The following COL4A5 variants were observed in gnomAD, a reference collection of about 807,000 sequenced individuals.
COL4A5 encodes collagen alpha-5(IV) chain.
A neutral mutation model predicts 130.2 loss-of-function variants in COL4A5; 26 were observed. The observed-to-expected ratio is 0.20, with a 90% CI of 0.15 to 0.28. COL4A5 has a LOEUF of 0.28. Ranked by LOEUF, COL4A5 falls within the 10% of genes least tolerant of loss-of-function variation. The probability of loss-of-function intolerance (pLI) is 1.00; values close to 1 mark genes in which losing one functional copy is unlikely to be tolerated. For missense variants in COL4A5, 1,131 were observed against 1,344.3 expected (o/e 0.84, Z 2.48); for synonymous variants, 496 against 439.6 (o/e 1.13, Z -1.60).
At chrX:108,558,525 A>T (rs748624501) in intron 2 of COL4A5, among the ~76,000 whole-genome samples, 1 of 111,672 alleles carries the variant, frequency 9.0e-6, no homozygotes, top group South Asian at 3.8e-4. Context: ...AATTCAAGTA[A>T]TTATTCTGAG....
At chrX:108,665,669 G>A (rs1416393368) in intron 38 of COL4A5, 82 bp downstream of exon 38, 39 of 668,911 alleles carry the variant, frequency 5.8e-5, no homozygotes, top group Non-Finnish European at 8.8e-5. Context: ...ATCATGTTCA[G>A]CTGTGAACAT....
chrX:108,479,221 G>A lies in COL4A5; in HGVS notation c.81+39015G>A, dbSNP rs763790971. 1.8e-4 allele frequency among the ~76,000 whole-genome samples: 20 copies of A among 112,447 alleles called. 1 individual carries two copies. The highest frequency in any genetic ancestry group is 1.3e-3 in the Admixed American group (14 of 10,691). ...GGATACAAATATCCTCACAGTTTTT[G>A]ACCACTCAGAGAGGTCCATCCACAT... On this transcript the variant is annotated intron_variant, in intron 1 of 52. Transcript: ENST00000328300.
At chrX:108,550,786 T>C (rs889731421) in intron 2 of COL4A5, among the ~76,000 whole-genome samples, 4 of 112,036 alleles carry the variant, frequency 3.6e-5, no homozygotes, top group Non-Finnish European at 5.7e-5. Context: ...TTATGACATA[T>C]GCTAAAATAC....
intron 41 of COL4A5, 78 bp downstream of exon 41, chrX:108,668,582 T>A: frequency 1.2e-6 from 1 of 846,889 alleles, no homozygotes; most frequent in Non-Finnish European, 1.6e-6. Flanking sequence ...ATTCAGTCTT[T>A]AAGACTTTAG....
At chrX:108,454,839 C>G (rs2064567323) in intron 1 of COL4A5, among the ~76,000 whole-genome samples, 1 of 110,917 alleles carries the variant, frequency 9.0e-6, no homozygotes, top group Admixed American at 9.6e-5. Flanking sequence ...TCTCAAACTC[C>G]TGGACTCAAG....
At chrX:108,441,824 A>C (rs1310040539) in intron 1 of COL4A5, among the ~76,000 whole-genome samples, 1 of 111,902 alleles carries the variant, frequency 8.9e-6, no homozygotes, top group Non-Finnish European at 1.9e-5. Context: ...CTTTTAACAA[A>C]TTTGCACCAG....
At chrX:108,634,273 G>A in intron 36 of COL4A5, among the ~76,000 whole-genome samples, 1 of 109,931 alleles carries the variant, frequency 9.1e-6, no homozygotes, top group Middle Eastern at 4.7e-3. Context: ...TAAAGTAAAT[G>A]GGGTTATAGA....
chrX:108,620,683 A>G (rs1352144302), intron 31 of COL4A5, among the ~76,000 whole-genome samples: 1 of 111,774 alleles, frequency 8.9e-6, no homozygotes, highest in Non-Finnish European at 1.9e-5. Flanking sequence ...ATTTTGCTGA[A>G]GATTTTGCAG....
intron 36 of COL4A5, among the ~76,000 whole-genome samples, chrX:108,640,195 AT>A (rs1255620610): frequency 1.8e-5 from 2 of 112,119 alleles, no homozygotes; most frequent in South Asian, 7.4e-4. Flanking sequence ...CACAATAGAT[AT>A]TTTTTGACCT....
intron 1 of COL4A5, among the ~76,000 whole-genome samples, chrX:108,502,294 GT>G (rs950169641): frequency 2.9e-5 from 3 of 103,987 alleles, no homozygotes; most frequent in Non-Finnish European, 5.9e-5. Context: ...GTTTTGTTTT[GT>G]TTTTTTGGAG....
intron 36 of COL4A5, among the ~76,000 whole-genome samples, chrX:108,648,150 G>A (rs1409268048): frequency 2.7e-5 from 3 of 111,041 alleles, no homozygotes; most frequent in Non-Finnish European, 5.7e-5. Context: ...AATTTCAGAA[G>A]GAATGGTGCC....
At chrX:108,580,855 A>C (rs1172605691) in intron 15 of COL4A5, 117 bp downstream of exon 15, 2 of 954,632 alleles carry the variant, frequency 2.1e-6, no homozygotes, top group Non-Finnish European at 3.0e-6. Context: ...TGACATTATA[A>C]TGTTGATGTC....
intron 8 of COL4A5, among the ~76,000 whole-genome samples, chrX:108,572,448 C>T (rs781442720): frequency 9.0e-6 from 1 of 111,727 alleles, no homozygotes; most frequent in South Asian, 3.8e-4. Context: ...CCTCATATCT[C>T]AAATTTGCAT....
rs768253654 is a variant in COL4A5 at position 108,447,798 on chromosome X, T to C, written c.81+7592T>C. Reference sequence around the variant, plus strand: ...CCATCATCTCATCCCCTTGTGATGATAGCAGCTACGGAACAGAAGTAATTT... The same window carrying C: ...CCATCATCTCATCCCCTTGTGATGACAGCAGCTACGGAACAGAAGTAATTT... On this transcript the variant is annotated intron_variant, in intron 1 of 52. Transcript: ENST00000328300. Among the ~76,000 whole-genome samples, 3 of 112,145 alleles carry C rather than the reference T, an allele frequency of 2.7e-5. No individual in the cohort carries two copies. In the South Asian group the frequency reaches 1.1e-3, roughly 42 times the overall value.
intron 2 of COL4A5, among the ~76,000 whole-genome samples, chrX:108,540,844 T>C (rs893127171): frequency 8.9e-6 from 1 of 112,457 alleles, no homozygotes; most frequent in Non-Finnish European, 1.9e-5. Flanking sequence ...ATAAGCCTAA[T>C]CACTATCAGT....
At chrX:108,597,313 C>T in intron 23 of COL4A5, 64 bp from the exon 24 acceptor site, 1 of 1,098,365 alleles carries the variant, frequency 9.1e-7, no homozygotes, top group Non-Finnish European at 1.3e-6. Context: ...AAAAAAGAAA[C>T]TGATTTTCTT....
chrX:108,540,691 T>C (rs2065524532), intron 2 of COL4A5, among the ~76,000 whole-genome samples: 3 of 111,866 alleles, frequency 2.7e-5, no homozygotes, highest in African/African-American at 9.8e-5. Context: ...CCTCAAGTGA[T>C]CTGCCCACCT....
chrX:108,597,184 G>C, intron 23 of COL4A5, 116 bp downstream of exon 23: 1 of 803,350 alleles, frequency 1.2e-6, no homozygotes, highest in Non-Finnish European at 1.8e-6. Flanking sequence ...CCATTAAGTT[G>C]TACTTTGTTT....
At chrX:108,683,614 C>G (rs1294447764) in intron 47 of COL4A5, among the ~76,000 whole-genome samples, 1 of 111,162 alleles carries the variant, frequency 9.0e-6, no homozygotes, top group Non-Finnish European at 1.9e-5. Context: ...CTCCACATCC[C>G]TTGTAAATTG....
Sources: gnomAD v4.1 joint callset for allele counts (sites outside exome capture counted in the v4.1 genomes callset) on GRCh38, gnomAD v4.1.1 for gene constraint, MANE v1.5 for transcripts, NCBI Gene and HGNC (gene_info 2026-07-23, HGNC 2026-07-21) for gene names.